Variants in DAAM1 observed in about 807,000 individuals in gnomAD.
The protein encoded by DAAM1 is disheveled-associated activator of morphogenesis 1.
A neutral mutation model predicts 130.0 loss-of-function variants in DAAM1; 52 were observed. The ratio of observed to expected loss-of-function variants is 0.40; its 90% CI spans 0.32 to 0.50. The LOEUF (loss-of-function observed/expected upper bound fraction) is 0.50. Ranked by LOEUF, DAAM1 falls within the 20% of genes least tolerant of loss-of-function variation. The pLI, the probability that DAAM1 is intolerant of heterozygous loss-of-function variation, is 0.61. For missense variants in DAAM1, 1,134 were observed against 1,303.8 expected (o/e 0.87, Z 2.01); for synonymous variants, 452 against 444.5 (o/e 1.02, Z -0.21).
chr14:59,325,952 T>G lies in DAAM1; in HGVS notation c.1057-8T>G. Reference sequence around the variant, plus strand: ...TGTTTGATTTGATTTCTTTTTCCTGTGAAATAGGTTCACATAGACACAAAA... The same window carrying G: ...TGTTTGATTTGATTTCTTTTTCCTGGGAAATAGGTTCACATAGACACAAAA... On this transcript the variant is annotated splice_polypyrimidine_tract_variant and splice_region_variant and intron_variant, in intron 9 of 24. Coordinates refer to ENST00000360909, the MANE Select transcript of DAAM1 (RefSeq NM_001270520.2). 1 of 1,612,928 alleles carries G rather than the reference T, an allele frequency of 6.2e-7. No individual in the cohort carries two copies. The highest frequency in any genetic ancestry group is 8.5e-7 in the Non-Finnish European group (1 of 1,178,900).
chr14:59,267,003 A>G (rs140937542), intron 2 of DAAM1, among the ~76,000 whole-genome samples: 1 of 152,228 alleles, frequency 6.6e-6, no homozygotes, highest in Non-Finnish European at 1.5e-5. Context: ...TCTGGCACCT[A>G]ATAGATGATT....
At chr14:59,338,536 GC>G in intron 15 of DAAM1, 1 of 1,028,414 alleles carries the variant, frequency 9.7e-7, no homozygotes, top group South Asian at 1.5e-5. Flanking sequence ...GTAATCTAAT[GC>G]CTAGGTAACT....
At chr14:59,207,472 T>C (rs554418756) in intron 1 of DAAM1, among the ~76,000 whole-genome samples, 4 of 152,214 alleles carry the variant, frequency 2.6e-5, no homozygotes, top group Non-Finnish European at 4.4e-5. Context: ...AATATATTTA[T>C]CATGTTAGAA....
intron 15 of DAAM1, among the ~76,000 whole-genome samples, chr14:59,337,726 T>C (rs1288784081): frequency 1.3e-5 from 2 of 152,170 alleles, no homozygotes; most frequent in Admixed American, 1.3e-4. Context: ...GGGCCACGAA[T>C]GGCTGCACAA....
At position 59,370,263 on chromosome 14, in the gene DAAM1, G is replaced by C. The variant is rs1887113646; in HGVS notation, c.*1404G>C. 6.7e-6 allele frequency: 1 copy of C among 148,556 alleles called. No individual in the cohort carries two copies. Among genetic ancestry groups the C allele is most frequent in the Non-Finnish European group, 1.5e-5 (1 of 67,446 alleles). 9.2% of individuals were successfully genotyped at this position (148,556 alleles called of 1,614,324 possible). On this transcript the variant is annotated 3_prime_UTR_variant, in exon 25 of 25. Coordinates refer to ENST00000360909, the MANE Select transcript of DAAM1 (RefSeq NM_001270520.2). Reference sequence around the variant, plus strand: ...GGTTGGGTTTCCTGTGGAGAGAGTAGTTTGTCCTGTTGCACTAGAACATTA... The same window carrying C: ...GGTTGGGTTTCCTGTGGAGAGAGTACTTTGTCCTGTTGCACTAGAACATTA...
chr14:59,273,815 A>G (rs1471382138), intron 2 of DAAM1, among the ~76,000 whole-genome samples: 1 of 152,240 alleles, frequency 6.6e-6, no homozygotes, highest in Non-Finnish European at 1.5e-5. Context: ...AGTTTGTGCA[A>G]TTAACTGTAC....
chr14:59,268,391 C>T (rs1882558359), intron 2 of DAAM1, among the ~76,000 whole-genome samples: 1 of 152,216 alleles, frequency 6.6e-6, no homozygotes, highest in Non-Finnish European at 1.5e-5. Context: ...TATGGTAACA[C>T]TGTGTTGAAC....
chr14:59,363,252 C>A, intron 22 of DAAM1: 1 of 172,010 alleles, frequency 5.8e-6, no homozygotes, highest in Non-Finnish European at 1.2e-5. Context: ...AATCAAGGCA[C>A]CACAATTCTA....
intron 2 of DAAM1, among the ~76,000 whole-genome samples, chr14:59,282,848 TAGC>T (rs1267590274): frequency 2.0e-5 from 3 of 152,198 alleles, no homozygotes; most frequent in Admixed American, 6.5e-5. Flanking sequence ...CTATTACTAT[TAGC>T]AGTACCCATT....
intron 1 of DAAM1, among the ~76,000 whole-genome samples, chr14:59,216,168 C>A (rs1177633289): frequency 6.6e-6 from 1 of 152,182 alleles, no homozygotes; most frequent in Non-Finnish European, 1.5e-5. Flanking sequence ...TTCCCAGGGT[C>A]CCTCCCTAAA....
intron 1 of DAAM1, among the ~76,000 whole-genome samples, chr14:59,207,221 G>A (rs1001593106): frequency 3.3e-5 from 5 of 152,142 alleles, no homozygotes; most frequent in Admixed American, 1.3e-4. Flanking sequence ...TTCAAGGGCC[G>A]TAAAATGCAA....
chr14:59,249,422 G>C (rs979804930), intron 1 of DAAM1, among the ~76,000 whole-genome samples: 1 of 152,156 alleles, frequency 6.6e-6, no homozygotes, highest in African/African-American at 2.4e-5. Context: ...CAGATACCAC[G>C]AAACTGCTAA....
chr14:59,266,887 A>T (rs1267786516), intron 2 of DAAM1, among the ~76,000 whole-genome samples: 1 of 152,132 alleles, frequency 6.6e-6, no homozygotes, highest in Admixed American at 6.6e-5. Context: ...TCCCTTTAAG[A>T]TTATTTCTGT....
At chr14:59,240,794 A>G (rs1253179277) in intron 1 of DAAM1, among the ~76,000 whole-genome samples, 1 of 152,262 alleles carries the variant, frequency 6.6e-6, no homozygotes, top group Admixed American at 6.5e-5. Flanking sequence ...GTCACTGTCC[A>G]GGGGATGGAG....
rs763996595 is a variant in DAAM1, at chr14:59,355,328, C to G, written c.2520C>G (p.Ile840Met). 3 of 1,613,782 alleles carry G rather than the reference C, an allele frequency of 1.9e-6. No individual in the cohort carries two copies. Among genetic ancestry groups the G allele is most frequent in the African/African-American group, 1.3e-5 (1 of 74,904 alleles). ...LNKIADTKSS[I>M]DKNITLLHYL... is the part of the protein sequence containing the mutation. ...AAATTGCTGACACAAAATCCAGCAT[C>G]GACAAGTAAGTATGAGATCTTCCAA... The change falls in exon 20 of 25, where the codon ATC becomes ATG. Residue 840 changes from isoleucine (I) to methionine (M), a missense_variant. Ile to Met is a conservative substitution (Grantham distance 10). This residue lies in a region of DAAM1 where 644 missense variants were observed against 695.9 expected (regional missense o/e 0.93). Coordinates refer to ENST00000360909, the MANE Select transcript of DAAM1 (RefSeq NM_001270520.2).
chr14:59,260,908 G>A (rs868185261), intron 1 of DAAM1, among the ~76,000 whole-genome samples: 3 of 152,120 alleles, frequency 2.0e-5, no homozygotes, highest in South Asian at 2.1e-4. Flanking sequence ...TGAGAGGAGC[G>A]CAAGATGTTT....
chr14:59,253,740 G>A (rs1272182051), intron 1 of DAAM1, among the ~76,000 whole-genome samples: 1 of 152,118 alleles, frequency 6.6e-6, no homozygotes, highest in Non-Finnish European at 1.5e-5. Flanking sequence ...TCTGGTTTGG[G>A]GCTGTGAGGG....
chr14:59,206,314 C>T (rs987353044), intron 1 of DAAM1, among the ~76,000 whole-genome samples: 3 of 152,174 alleles, frequency 2.0e-5, no homozygotes, highest in South Asian at 4.1e-4. Context: ...CTTGCTCTGT[C>T]GCCCAGTCTG....
intron 1 of DAAM1, among the ~76,000 whole-genome samples, chr14:59,224,414 G>A (rs952514028): frequency 6.6e-6 from 1 of 152,202 alleles, no homozygotes; most frequent in African/African-American, 2.4e-5. Flanking sequence ...CTCTAGGAAT[G>A]CAGTATTGCT....
Sources: allele counts gnomAD v4.1 joint callset (sites outside exome capture counted in the v4.1 genomes callset), GRCh38; gene constraint gnomAD v4.1.1; regional missense constraint gnomAD v4.1.1; transcripts MANE v1.5; gene names NCBI Gene and HGNC (gene_info 2026-07-23, HGNC 2026-07-21).